MEP1A: variants seen among roughly 807,000 people sequenced by gnomAD.
The protein encoded by MEP1A is meprin A subunit alpha.
MEP1A carries 68 observed loss-of-function variants against 84.5 expected under a neutral mutation model. The observed-to-expected ratio is 0.80, with a 90% CI of 0.66 to 0.98. MEP1A has a LOEUF of 0.98. MEP1A is among the 50% of genes least tolerant of loss of function. The probability of loss-of-function intolerance (pLI) is 0.00; values close to 1 mark genes in which losing one functional copy is unlikely to be tolerated. For synonymous variants in MEP1A, 337 were observed against 336.8 expected (o/e 1.00, Z -0.01); for missense variants, 887 against 919.9 (o/e 0.96, Z 0.46).
Position 46,839,016 on chromosome 6 carries a change from G to A in MEP1A, c.2121G>A (p.Glu707=). 6.2e-7 allele frequency: 1 copy of A among 1,613,724 alleles called. No individual in the cohort carries two copies. The highest frequency in any genetic ancestry group is 1.1e-5 in the South Asian group (1 of 91,044). The change falls in exon 14 of 14, where the codon GAG becomes GAA. Residue 707 remains glutamate (E), a synonymous_variant. Transcript: ENST00000230588. The stretch of plus-strand genomic sequence containing the variant: ...GACATGCTTTCTTCTACACGGGGGA[G>A]CGCTGTCAGGCCGTGCAGGTGCACG... ...ISGHAFFYTG[E]RCQAVQVHGS...
At chr6:46,799,244 C>T (rs1767139285) in intron 5 of MEP1A, 63 bp downstream of exon 5, 2 of 1,113,806 alleles carry the variant, frequency 1.8e-6, no homozygotes, top group African/African-American at 1.5e-5. Context: ...CTCAGCCTGT[C>T]CATGGGCTTC....
At chr6:46,798,820 G>A (rs927676162) in intron 4 of MEP1A, among the ~76,000 whole-genome samples, 174 bp downstream of exon 4, 6 of 152,162 alleles carry the variant, frequency 3.9e-5, no homozygotes, top group African/African-American at 1.4e-4. Flanking sequence ...CAAAAACAGA[G>A]GGAAAATAAG....
chr6:46,820,629 C>G (rs1404782613), intron 7 of MEP1A, among the ~76,000 whole-genome samples: 1 of 152,190 alleles, frequency 6.6e-6, no homozygotes, highest in Non-Finnish European at 1.5e-5. Context: ...CTCAGGTGAT[C>G]GGCCTGCCTT....
chr6:46,821,994 A>G (rs1033715337), intron 7 of MEP1A, among the ~76,000 whole-genome samples: 1 of 152,196 alleles, frequency 6.6e-6, no homozygotes, highest in Non-Finnish European at 1.5e-5. Context: ...GTTTAACTTA[A>G]GAAGACACTG....
At chr6:46,830,327 A>G (rs1240447472) in intron 10 of MEP1A, among the ~76,000 whole-genome samples, 1 of 150,764 alleles carries the variant, frequency 6.6e-6, no homozygotes, top group Non-Finnish European at 1.5e-5. Flanking sequence ...AAATGATACC[A>G]TTATTTAATA....
In MEP1A at chr6:46,835,391, C is replaced by T; in HGVS notation, c.1926C>T (p.Ser642=). The change falls in exon 13 of 14, where the codon AGC becomes AGT. Residue 642 remains serine (S), a synonymous_variant. Coordinates refer to ENST00000230588, the MANE Select transcript of MEP1A (RefSeq NM_005588.3). ...KAMLEEALPV[S]LSQGQPSRQK... ...TGTTAGAGGAAGCCCTACCTGTCAGCCTGAGCCAGGGGCAGCCCAGCCGAC... is the reference window on the plus strand; with the variant it reads ...TGTTAGAGGAAGCCCTACCTGTCAGTCTGAGCCAGGGGCAGCCCAGCCGAC... 6.2e-7 allele frequency: 1 copy of T among 1,612,116 alleles called. No homozygotes were observed. Among genetic ancestry groups the T allele is most frequent in the Non-Finnish European group, 8.5e-7 (1 of 1,179,108 alleles).
At chr6:46,813,347 C>T (rs1308078020) in intron 6 of MEP1A, among the ~76,000 whole-genome samples, 2 of 152,144 alleles carry the variant, frequency 1.3e-5, no homozygotes, top group African/African-American at 2.4e-5. Flanking sequence ...AATAGTGACA[C>T]AACCTATCAA....
chr6:46,839,049 C>G lies in MEP1A; in HGVS notation c.2154C>G (p.Val718=), dbSNP rs1349023292. The change falls in exon 14 of 14, where the codon GTC becomes GTG. Residue 718 remains valine, a synonymous_variant. Coordinates refer to ENST00000230588, the MANE Select transcript of MEP1A (RefSeq NM_005588.3). ...RCQAVQVHGS[V]LGMVIGGTAG... ...AGGCCGTGCAGGTGCACGGCAGTGT[C>G]CTGGGCATGGTGATCGGAGGCACGG... 6.2e-7 allele frequency: 1 copy of G among 1,613,724 alleles called. No individual in the cohort carries two copies. The highest frequency in any genetic ancestry group is 2.2e-5 in the East Asian group (1 of 44,880).
intron 8 of MEP1A, 34 bp from the exon 9 acceptor site, chr6:46,826,320 A>T: frequency 6.4e-7 from 1 of 1,561,006 alleles, no homozygotes; most frequent in South Asian, 1.2e-5. Flanking sequence ...ACTATCTTTC[A>T]TTTTTAACCA....
intron 7 of MEP1A, among the ~76,000 whole-genome samples, chr6:46,824,655 A>C (rs1391608711): frequency 7.6e-6 from 1 of 131,414 alleles, no homozygotes; most frequent in East Asian, 2.2e-4. Context: ...ATTTAAATTT[A>C]TATAATGTAT....
chr6:46,812,120 A>G (rs6901109), intron 6 of MEP1A, among the ~76,000 whole-genome samples: 8 of 151,788 alleles, frequency 5.3e-5, no homozygotes, highest in African/African-American at 1.7e-4. Context: ...TTTTGTTGGC[A>G]ATTTTTGAAT....
At position 46,829,389 on chromosome 6, in the gene MEP1A, C is replaced by T. The variant is rs1455882551; in HGVS notation, c.962C>T (p.Ser321Leu). Residue 321 changes from serine to leucine, a missense_variant, in exon 10 of 14, where the codon TCG becomes TTG. Physicochemically the swap from Ser to Leu is moderately radical, Grantham distance 145. Transcript: ENST00000230588. ...AGYFMQFSTS[S>L]GSAEEAALLE... The stretch of plus-strand genomic sequence containing the variant: ...TACTTCATGCAGTTCAGCACCAGCT[C>T]GGGGTCCGCGGAAGAGGCAGCCCTA... The T allele has an allele frequency of 1.2e-6, 2 of 1,613,770 alleles. No homozygotes were observed. The highest frequency in any genetic ancestry group is 1.7e-5 in the Admixed American group (1 of 60,012).
chr6:46,824,632 T>TA (rs1488609380), intron 7 of MEP1A, among the ~76,000 whole-genome samples: 1 of 131,300 alleles, frequency 7.6e-6, no homozygotes, highest in African/African-American at 3.1e-5. Flanking sequence ...AAATTATATA[T>TA]TTAAATAAAT....
intron 5 of MEP1A, among the ~76,000 whole-genome samples, chr6:46,808,221 A>ATGTAAC (rs1463533051): frequency 6.6e-6 from 1 of 152,092 alleles, no homozygotes; most frequent in African/African-American, 2.4e-5. Flanking sequence ...ACTAAGTAAG[A>ATGTAAC]ATAGGTAAAA....
At chr6:46,841,036 A>T (rs1318083801), downstream of MEP1A, among the ~76,000 whole-genome samples, 2 of 152,198 alleles carry the variant, frequency 1.3e-5, no homozygotes, top group African/African-American at 2.4e-5. Context: ...TATTAAAAGG[A>T]GCATGCTGTG....
intron 9 of MEP1A, among the ~76,000 whole-genome samples, chr6:46,827,021 A>C (rs1374432976): frequency 6.6e-6 from 1 of 152,226 alleles, no homozygotes; most frequent in Admixed American, 6.5e-5. Context: ...TTTTCAGGCT[A>C]AGTATTTTAA....
At chr6:46,796,032 C>G (rs1767043905) in intron 3 of MEP1A, among the ~76,000 whole-genome samples, 1 of 152,154 alleles carries the variant, frequency 6.6e-6, no homozygotes, top group Non-Finnish European at 1.5e-5. Flanking sequence ...ACTACTCTTC[C>G]CCTTCCTACT....
chr6:46,821,069 T>C (rs1181256114), intron 7 of MEP1A, among the ~76,000 whole-genome samples: 1 of 152,206 alleles, frequency 6.6e-6, no homozygotes, highest in African/African-American at 2.4e-5. Flanking sequence ...TAATTAAATA[T>C]GAATCCTCAA....
Position 46,819,592 on chromosome 6 carries a change from C to T in MEP1A, c.444C>T (p.Ala148=). The T allele has an allele frequency of 6.2e-7, 1 of 1,614,024 alleles. No individual in the cohort carries two copies. The highest frequency in any genetic ancestry group is 8.5e-7 in the Non-Finnish European group (1 of 1,179,964). ...GQNISIGQGC[A]YKAIIEHEIL... is the part of the protein sequence containing the mutation. ...ACATTTCCATTGGCCAAGGATGTGC[C>T]TATAAGGCCATCATAGAACACGAGA... Residue 148 remains alanine (A), a synonymous_variant, in exon 7 of 14, where the codon GCC becomes GCT. Coordinates refer to ENST00000230588, the MANE Select transcript of MEP1A (RefSeq NM_005588.3).
Sources: gnomAD v4.1 joint callset for allele counts (sites outside exome capture counted in the v4.1 genomes callset) on GRCh38, gnomAD v4.1.1 for gene constraint, MANE v1.5 for transcripts, NCBI Gene and HGNC (gene_info 2026-07-23, HGNC 2026-07-21) for gene names.